MYO1E: variants seen among roughly 807,000 people sequenced by gnomAD.
The protein encoded by MYO1E is myosin IE.
MYO1E carries 68 observed loss-of-function variants against 151.1 expected under a neutral mutation model. That is an observed-to-expected ratio of 0.45 (90% confidence interval 0.37 to 0.55). The LOEUF (loss-of-function observed/expected upper bound fraction) is 0.55. MYO1E is among the 20% of genes least tolerant of loss of function. The probability of loss-of-function intolerance (pLI) is 0.00; values close to 1 mark genes in which losing one functional copy is unlikely to be tolerated. For missense variants in MYO1E, 1,363 were observed against 1,389.3 expected (o/e 0.98, Z 0.30); for synonymous variants, 601 against 501.7 (o/e 1.20, Z -2.64).
At chr15:59,229,940 A>C (rs1566986224) in intron 6 of MYO1E, among the ~76,000 whole-genome samples, 1 of 152,166 alleles carries the variant, frequency 6.6e-6, no homozygotes, top group African/African-American at 2.4e-5. Context: ...ACAATATATT[A>C]TGAATATCTT....
intron 17 of MYO1E, among the ~76,000 whole-genome samples, chr15:59,190,280 T>G (rs1296684999): frequency 6.6e-6 from 1 of 152,174 alleles, no homozygotes; most frequent in African/African-American, 2.4e-5. Context: ...GGGAGGTAAC[T>G]CCTCACACTC....
At chr15:59,283,989 C>A (rs750085254) in intron 1 of MYO1E, among the ~76,000 whole-genome samples, 31 of 152,168 alleles carry the variant, frequency 2.0e-4, no homozygotes, top group Admixed American at 8.5e-4. Context: ...ACGTGGTAAA[C>A]AGAATACCTG....
intron 26 of MYO1E, among the ~76,000 whole-genome samples, chr15:59,151,983 G>A (rs1264684421): frequency 2.0e-5 from 3 of 151,684 alleles, no homozygotes; most frequent in East Asian, 1.9e-4. Context: ...CAGGGGAATC[G>A]CTTGAACCCG....
At chr15:59,156,503 C>G (rs1259636505) in intron 25 of MYO1E, among the ~76,000 whole-genome samples, 1 of 152,104 alleles carries the variant, frequency 6.6e-6, no homozygotes, top group Non-Finnish European at 1.5e-5. Context: ...TTTTTAAGAA[C>G]ATTTTTGTAG....
chr15:59,302,616 C>G (rs1417647712), intron 1 of MYO1E, among the ~76,000 whole-genome samples: 1 of 152,176 alleles, frequency 6.6e-6, no homozygotes, highest in Non-Finnish European at 1.5e-5. Context: ...GATTTTTTGA[C>G]TAGGCGCTGC....
intron 4 of MYO1E, among the ~76,000 whole-genome samples, chr15:59,240,721 G>C (rs1435414828): frequency 6.6e-6 from 1 of 152,182 alleles, no homozygotes; most frequent in Non-Finnish European, 1.5e-5. Context: ...TCCTGGCTCT[G>C]TACCACAGGA....
At chr15:59,337,948 G>T (rs1320882020) in intron 1 of MYO1E, among the ~76,000 whole-genome samples, 1 of 152,164 alleles carries the variant, frequency 6.6e-6, no homozygotes, top group Non-Finnish European at 1.5e-5. Flanking sequence ...ACATTTCCCT[G>T]TCCATGATGT....
At chr15:59,239,565 A>T (rs1395025627) in intron 4 of MYO1E, among the ~76,000 whole-genome samples, 1 of 152,172 alleles carries the variant, frequency 6.6e-6, no homozygotes, top group East Asian at 1.9e-4. Flanking sequence ...TCTTTGGTTA[A>T]TACTGTATTC....
intron 13 of MYO1E, 68 bp from the exon 14 acceptor site, chr15:59,208,916 C>G (rs1251700523): frequency 1.3e-6 from 2 of 1,582,414 alleles, no homozygotes; most frequent in African/African-American, 1.3e-5. Context: ...TTATCAGGTC[C>G]TTTCTTAGGC....
intron 1 of MYO1E, among the ~76,000 whole-genome samples, chr15:59,283,139 C>A (rs1193142165): frequency 6.6e-5 from 10 of 151,060 alleles, no homozygotes; most frequent in Non-Finnish European, 7.4e-5. Context: ...GGTCTGGAAC[C>A]CCTCAAGGTA....
chr15:59,295,701 G>A (rs1179335015), intron 1 of MYO1E, among the ~76,000 whole-genome samples: 2 of 152,066 alleles, frequency 1.3e-5, no homozygotes, highest in East Asian at 1.9e-4. Context: ...CCAGGAGGGC[G>A]GAGAGCAGGT....
intron 4 of MYO1E, among the ~76,000 whole-genome samples, chr15:59,239,006 G>C (rs1325492978): frequency 6.6e-6 from 1 of 151,244 alleles, no homozygotes; most frequent in Admixed American, 6.6e-5. Context: ...AGGAGTTCGA[G>C]ACCAGCCTGG....
chr15:59,218,221 G>A, intron 9 of MYO1E, 134 bp from the exon 10 acceptor site: 1 of 1,016,892 alleles, frequency 9.8e-7, no homozygotes, highest in Non-Finnish European at 1.5e-6. Flanking sequence ...GGCCCCAAGA[G>A]CTTACGTTCT....
chr15:59,228,850 C>T (rs73422985), intron 6 of MYO1E, among the ~76,000 whole-genome samples: 7,275 of 152,192 alleles, frequency 0.048, 538 homozygotes, highest in African/African-American at 0.16. Context: ...GAGTACATGC[C>T]GTGTTCCTGT....
rs1435318182 is a variant in MYO1E at position 59,136,507 on chromosome 15, TTAAG to T, written c.*869_*872del. Reference sequence around the variant, plus strand: ...AGTTGGAAAAAAGCAGAGCACATCTTTAAGTACCTGGTGTGAGTTTTGTAAGAAA... The same window carrying T: ...AGTTGGAAAAAAGCAGAGCACATCTTTACCTGGTGTGAGTTTTGTAAGAAA... On this transcript the variant is annotated 3_prime_UTR_variant, in exon 28 of 28. Transcript: ENST00000288235. 19 of 310,974 alleles carry T rather than the reference TTAAG, an allele frequency of 6.1e-5. No homozygotes were observed. In the East Asian group the frequency reaches 1.5e-3, roughly 24 times the overall value. 19.3% of individuals were successfully genotyped at this position (310,974 alleles called of 1,614,324 possible). A position where few individuals can be genotyped will look rare whatever the true frequency, so the allele number is the denominator to read the frequency against.
intron 22 of MYO1E, among the ~76,000 whole-genome samples, chr15:59,170,354 C>T (rs1283705878): frequency 3.3e-5 from 5 of 152,222 alleles, no homozygotes; most frequent in African/African-American, 1.2e-4. Context: ...CTGACTTTCA[C>T]CTGCTGTGCC....
chr15:59,258,969 TG>T (rs1170155489), intron 3 of MYO1E, among the ~76,000 whole-genome samples: 10 of 151,888 alleles, frequency 6.6e-5, no homozygotes, highest in Non-Finnish European at 8.8e-5. Context: ...TTTTTGTTTT[TG>T]TTTTTAAATA....
chr15:59,363,869 A>G (rs1195850938), intron 1 of MYO1E, among the ~76,000 whole-genome samples: 2 of 152,050 alleles, frequency 1.3e-5, no homozygotes, highest in African/African-American at 4.8e-5. Context: ...TCTGCCTCCC[A>G]TTTCAAGCGA....
chr15:59,329,187 C>A (rs2080684133), intron 1 of MYO1E, among the ~76,000 whole-genome samples: 1 of 152,160 alleles, frequency 6.6e-6, no homozygotes, highest in Non-Finnish European at 1.5e-5. Flanking sequence ...CTGCTGGAGG[C>A]ACTGGGAAGA....
Sources: gnomAD v4.1 joint callset for allele counts (sites outside exome capture counted in the v4.1 genomes callset) on GRCh38, gnomAD v4.1.1 for gene constraint, MANE v1.5 for transcripts, NCBI Gene and HGNC (gene_info 2026-07-23, HGNC 2026-07-21) for gene names.